TUT4: variants seen among roughly 807,000 people sequenced by gnomAD.
The protein encoded by TUT4 is terminal uridylyl transferase 4.
In TUT4, 36 loss-of-function variants were observed where a neutral mutation model predicts 192.2. The ratio of observed to expected loss-of-function variants is 0.19; its 90% CI spans 0.14 to 0.25. The LOEUF is 0.25. TUT4 is among the 10% of genes least tolerant of loss of function. TUT4 has a pLI of 1.00. For synonymous variants in TUT4, 618 were observed against 666.0 expected (o/e 0.93, Z 1.11); for missense variants, 1,493 against 1,957.2 (o/e 0.76, Z 4.47).
intron 4 of TUT4, among the ~76,000 whole-genome samples, chr1:52,504,364 T>C (rs1674943217): frequency 6.6e-6 from 1 of 152,010 alleles, no homozygotes; most frequent in South Asian, 2.1e-4. Context: ...AGGTGCACTG[T>C]TTCACACCTG....
intron 24 of TUT4, among the ~76,000 whole-genome samples, chr1:52,440,433 G>GTT (rs908687717): frequency 0.12 from 12,759 of 109,928 alleles, 655 homozygotes; most frequent in East Asian, 0.23. Context: ...CCCATCCTGT[G>GTT]TTTTTTTTTT....
At chr1:52,496,625 A>G (rs1672510633) in intron 5 of TUT4, among the ~76,000 whole-genome samples, 1 of 152,188 alleles carries the variant, frequency 6.6e-6, no homozygotes, top group Non-Finnish European at 1.5e-5. Flanking sequence ...GCCCTATTAA[A>G]GTAAATTAAT....
intron 2 of TUT4, among the ~76,000 whole-genome samples, chr1:52,524,858 A>AT (rs1557950208): frequency 5.3e-5 from 8 of 152,290 alleles, no homozygotes; most frequent in African/African-American, 1.9e-4. Flanking sequence ...ACTCAGGATA[A>AT]AGTCCAAACT....
chr1:52,444,563 T>C (rs565215689), intron 24 of TUT4, among the ~76,000 whole-genome samples: 7 of 151,816 alleles, frequency 4.6e-5, no homozygotes, highest in Non-Finnish European at 7.4e-5. Context: ...ACACAAACTA[T>C]TAATCCTGGG....
intron 1 of TUT4, among the ~76,000 whole-genome samples, chr1:52,535,839 G>A (rs1684754950): frequency 6.6e-6 from 1 of 152,174 alleles, no homozygotes; most frequent in Non-Finnish European, 1.5e-5. Context: ...ATGGAAATGA[G>A]AAGGCAATGC....
At chr1:52,528,720 T>A (rs937524805) in intron 1 of TUT4, among the ~76,000 whole-genome samples, 1 of 152,134 alleles carries the variant, frequency 6.6e-6, no homozygotes, top group Non-Finnish European at 1.5e-5. Context: ...ATCTCTATCA[T>A]ATAACTTTAC....
chr1:52,545,582 G>T (rs1446004585), intron 1 of TUT4, among the ~76,000 whole-genome samples: 1 of 152,014 alleles, frequency 6.6e-6, no homozygotes, highest in African/African-American at 2.4e-5. Flanking sequence ...GTGAAAAGAT[G>T]CTGAATATCA....
At chr1:52,538,503 T>C (rs1214277986) in intron 1 of TUT4, 2 of 151,290 alleles carry the variant, frequency 1.3e-5, no homozygotes, top group South Asian at 2.1e-4. Context: ...CTCTACAAAA[T>C]ATAAAAAATT....
At chr1:52,536,721 G>A (rs1400903503) in intron 1 of TUT4, among the ~76,000 whole-genome samples, 1 of 152,096 alleles carries the variant, frequency 6.6e-6, no homozygotes, top group Non-Finnish European at 1.5e-5. Flanking sequence ...GGGCGTGGTG[G>A]TGGGTGCTTG....
intron 1 of TUT4, 115 bp from the exon 2 acceptor site, chr1:52,526,488 T>TA (rs11309315): frequency 0.022 from 5,134 of 228,896 alleles, no homozygotes; most frequent in East Asian, 0.031. Context: ...AAGAAATTGT[T>TA]AAAAAAAAAA....
At chr1:52,436,676 G>T in intron 26 of TUT4, 79 bp downstream of exon 26, 1 of 1,588,400 alleles carries the variant, frequency 6.3e-7, no homozygotes. Context: ...CAACAGAGAG[G>T]AATTAGGGTC....
Position 52,490,732 on chromosome 1 carries a change from CT to C in TUT4, c.1387del (p.Ser463ValfsTer7). The part of the protein sequence containing the change: ...VPVVVCRDRK[S>X]GLLCRVSAGN... ...ATATTTTATCTTCATTGTTACCAAC[CT>C]TTTTCGATCTCTGCACACCACAACA... On this transcript the variant is annotated frameshift_variant and splice_region_variant, in exon 8 of 30. Transcript: ENST00000257177. LOFTEE classifies it high-confidence loss of function. 2 of 1,604,670 alleles carry C rather than the reference CT, an allele frequency of 1.2e-6. No individual in the cohort carries two copies. The highest frequency in any genetic ancestry group is 1.1e-5 in the South Asian group (1 of 88,590).
chr1:52,451,571 G>A (rs1176454415), intron 20 of TUT4, among the ~76,000 whole-genome samples: 1 of 152,176 alleles, frequency 6.6e-6, no homozygotes, highest in Non-Finnish European at 1.5e-5. Flanking sequence ...GCCAGGGGCG[G>A]TGGCTCACGC....
chr1:52,549,875 C>G (rs1244426070), intron 1 of TUT4, among the ~76,000 whole-genome samples: 1 of 152,156 alleles, frequency 6.6e-6, no homozygotes, highest in Non-Finnish European at 1.5e-5. Flanking sequence ...GTTCCCTTCT[C>G]TCTCCCTCAA....
intron 1 of TUT4, among the ~76,000 whole-genome samples, chr1:52,546,762 C>G (rs1452949884): frequency 6.6e-6 from 1 of 152,136 alleles, no homozygotes; most frequent in Non-Finnish European, 1.5e-5. Flanking sequence ...TACACTTTAT[C>G]ACAATTTTTA....
In TUT4 at chr1:52,423,689, A is replaced by C; in HGVS notation, c.*246T>G. 1.3e-6 allele frequency: 1 copy of C among 756,278 alleles called. No individual in the cohort carries two copies. The highest frequency in any genetic ancestry group is 2.0e-6 in the Non-Finnish European group (1 of 505,276). The allele number at this position is 756,278 out of a possible 1,614,324, so 46.8% of individuals were successfully genotyped here. On this transcript the variant is annotated 3_prime_UTR_variant, in exon 30 of 30. Transcript: ENST00000257177. ...GAAATTTGTATCACTCAATTTGGTG[A>C]TACTAGTAAAAACTATAGTTCATAT...
chr1:52,514,256 T>C (rs780916965), intron 3 of TUT4, among the ~76,000 whole-genome samples: 5 of 152,006 alleles, frequency 3.3e-5, no homozygotes, highest in African/African-American at 9.7e-5. Context: ...AACTGGCCAA[T>C]ATAGTGAAAC....
intron 1 of TUT4, 70 bp from the exon 2 acceptor site, chr1:52,526,443 TA>T (rs1681764905): frequency 1.9e-6 from 1 of 537,110 alleles, no homozygotes; most frequent in Non-Finnish European, 2.7e-6. Flanking sequence ...GGTTAGACAT[TA>T]AAAAACAATT....
chr1:52,436,696 G>A, intron 26 of TUT4, 59 bp downstream of exon 26: 3 of 1,603,410 alleles, frequency 1.9e-6, no homozygotes, highest in East Asian at 2.2e-5. Flanking sequence ...CATTTAGCAT[G>A]CAAGCAACAT....
Sources: gnomAD v4.1 joint callset for allele counts (sites outside exome capture counted in the v4.1 genomes callset) on GRCh38, gnomAD v4.1.1 for gene constraint, MANE v1.5 for transcripts, NCBI Gene and HGNC (gene_info 2026-07-23, HGNC 2026-07-21) for gene names.